Variants in RPH3AL observed in about 807,000 individuals in gnomAD.
The protein encoded by RPH3AL is rab effector Noc2.
RPH3AL carries 38 observed loss-of-function variants against 43.1 expected under a neutral mutation model. The observed-to-expected ratio is 0.88, with a 90% CI of 0.68 to 1.15. The LOEUF (loss-of-function observed/expected upper bound fraction) is 1.15. Ranked by LOEUF, RPH3AL falls within the 50% of genes most tolerant of loss-of-function variation. RPH3AL has a pLI of 0.00. For synonymous variants in RPH3AL, 189 were observed against 176.3 expected (o/e 1.07, Z -0.57); for missense variants, 462 against 423.2 (o/e 1.09, Z -0.81).
At chr17:315,593 G>GCCCCAC (rs2044000375) in intron 5 of RPH3AL, among the ~76,000 whole-genome samples, 27 of 123,358 alleles carry the variant, frequency 2.2e-4, no homozygotes, top group African/African-American at 3.8e-4. Flanking sequence ...TAGTCCCTGT[G>GCCCCAC]CTCCACCTCC....
At chr17:282,266 C>T (rs762587224) in intron 5 of RPH3AL, among the ~76,000 whole-genome samples, 28 of 152,232 alleles carry the variant, frequency 1.8e-4, no homozygotes, top group Non-Finnish European at 2.8e-4. Context: ...AACAAAGAAA[C>T]ATACGTTTGC....
At chr17:326,885 G>A (rs947039407) in intron 3 of RPH3AL, among the ~76,000 whole-genome samples, 1 of 152,176 alleles carries the variant, frequency 6.6e-6, no homozygotes, top group African/African-American at 2.4e-5. Flanking sequence ...GGACCCCCAA[G>A]GGAAGAAACT....
intron 7 of RPH3AL, among the ~76,000 whole-genome samples, chr17:242,795 C>A (rs865807570): frequency 2.9e-5 from 1 of 34,748 alleles, no homozygotes; most frequent in African/African-American, 1.2e-4. Context: ...CCTCTAATGA[C>A]TACCTTCCTC....
At chr17:299,103 C>G (rs559387161) in intron 5 of RPH3AL, among the ~76,000 whole-genome samples, 2 of 152,096 alleles carry the variant, frequency 1.3e-5, no homozygotes, top group Non-Finnish European at 2.9e-5. Context: ...CGGAGCTGCA[C>G]TTGAACAAGC....
rs1004197875 is a variant in RPH3AL at position 225,046 on chromosome 17, C to T, written c.614-5310G>A. ...AGTTAATGGGTGCAGCACACCAACA[C>T]GGCACATGTATACAGATGTAACAAA... On this transcript the variant is annotated intron_variant, in intron 7 of 9. Transcript: ENST00000331302. The surrounding 1 kb of genome is among the most constrained non-coding windows in gnomAD (Gnocchi z 4.4). Among the ~76,000 whole-genome samples the T allele has an allele frequency of 4.6e-5, 7 of 151,026 alleles. No homozygotes were observed. Among genetic ancestry groups the T allele is most frequent in the South Asian group, 2.1e-4 (1 of 4,776 alleles).
In RPH3AL at chr17:322,838, G is replaced by A. The variant is rs958962908; in HGVS notation, c.78-1423C>T. 2.0e-5 allele frequency among the ~76,000 whole-genome samples: 3 copies of A among 152,130 alleles called. No homozygotes were observed. The highest frequency in any genetic ancestry group is 6.5e-5 in the Admixed American group (1 of 15,270). On this transcript the variant is annotated intron_variant, in intron 3 of 9. Transcript: ENST00000331302. The surrounding 1 kb of genome is among the most constrained non-coding windows in gnomAD (Gnocchi z 4.0). The stretch of plus-strand genomic sequence containing the variant: ...TAATACGCATATCCTTTCTCTGTCA[G>A]GGGGAGCTGGGGGCTGATGAATGTG...
rs2044665497 is a variant in RPH3AL, at chr17:328,304, G to A, written c.-36-725C>T. ...AGGACAGGATTGTCTTTGGTGGTCTGAGGATGCCACGCGTGCATTCTGAAG... is the reference window on the plus strand; with the variant it reads ...AGGACAGGATTGTCTTTGGTGGTCTAAGGATGCCACGCGTGCATTCTGAAG... On this transcript the variant is annotated intron_variant, in intron 2 of 9. Transcript: ENST00000331302. This position sits in a 1 kb window ranked among gnomAD's most constrained non-coding sequence, Gnocchi z 4.2. Among the ~76,000 whole-genome samples the A allele has an allele frequency of 6.6e-6, 1 of 151,630 alleles. No homozygotes were observed. The highest frequency in any genetic ancestry group is 2.1e-4 in the South Asian group (1 of 4,780).
intron 6 of RPH3AL, among the ~76,000 whole-genome samples, chr17:280,787 G>C (rs1350837692): frequency 6.6e-6 from 1 of 152,158 alleles, no homozygotes; most frequent in Non-Finnish European, 1.5e-5. Context: ...GGAGCTGTGG[G>C]GGATGGTTGA....
At chr17:253,216 C>T (rs1011409689) in intron 6 of RPH3AL, among the ~76,000 whole-genome samples, 1 of 152,134 alleles carries the variant, frequency 6.6e-6, no homozygotes, top group Non-Finnish European at 1.5e-5. Flanking sequence ...CTAGGACAGG[C>T]CTTGGGGGCT....
Position 321,750 on chromosome 17 carries a change from G to A in RPH3AL, c.78-335C>T, listed in dbSNP as rs146148169. Reference sequence around the variant, plus strand: ...GTGCCGTGTGCAGGGGGCAAGGCACGCGGGCAACAGAGACGGGGCAGACAC... The same window carrying A: ...GTGCCGTGTGCAGGGGGCAAGGCACACGGGCAACAGAGACGGGGCAGACAC... On this transcript the variant is annotated intron_variant, in intron 3 of 9. Coordinates refer to ENST00000331302, the MANE Select transcript of RPH3AL (RefSeq NM_006987.4). The A allele has an allele frequency of 7.4e-3, 2,105 of 283,322 alleles. 50 individuals are homozygous for A. Among genetic ancestry groups the A allele is most frequent in the East Asian group, 0.053 (845 of 16,006 alleles). 17.6% of individuals were successfully genotyped at this position (283,322 alleles called of 1,614,324 possible). A position where few individuals can be genotyped will look rare whatever the true frequency, so the allele number is the denominator to read the frequency against.
At chr17:331,234 A>G (rs2151714824) in intron 2 of RPH3AL, 2 of 35,102 alleles carry the variant, frequency 5.7e-5, no homozygotes, top group South Asian at 3.5e-4. Flanking sequence ...TCACTGCTGT[A>G]GCTTCAGGGC....
At chr17:280,085 T>C (rs2042743047) in intron 6 of RPH3AL, among the ~76,000 whole-genome samples, 2 of 152,052 alleles carry the variant, frequency 1.3e-5, no homozygotes, top group Admixed American at 6.5e-5. Context: ...AGCAAGGAAA[T>C]GTGCGCAAAA....
intron 3 of RPH3AL, 133 bp from the exon 4 acceptor site, chr17:321,548 C>A: frequency 9.8e-7 from 1 of 1,023,556 alleles, no homozygotes; most frequent in South Asian, 2.2e-5. Context: ...ACGACGAGCG[C>A]GGGCAGCAGA....
rs150991010 is a variant in RPH3AL at position 299,141 on chromosome 17, G to A, written c.352-17287C>T. 3.0e-3 allele frequency among the ~76,000 whole-genome samples: 453 copies of A among 152,268 alleles called. 3 individuals carry two copies. Among genetic ancestry groups the A allele is most frequent in the Admixed American group, 7.6e-3 (116 of 15,306 alleles). ...AGGAGTAGAGGATGCACTGGAAAGCGAATGAGACTCGTCCACAGTCTGGAA... is the reference window on the plus strand; with the variant it reads ...AGGAGTAGAGGATGCACTGGAAAGCAAATGAGACTCGTCCACAGTCTGGAA... On this transcript the variant is annotated intron_variant, in intron 5 of 9. Transcript: ENST00000331302.
rs981042661 is a variant in RPH3AL, at chr17:274,410, C to T, written c.438+7358G>A. On this transcript the variant is annotated intron_variant, in intron 6 of 9. Transcript: ENST00000331302. This position sits in a 1 kb window ranked among gnomAD's most constrained non-coding sequence, Gnocchi z 4.7. Reference sequence around the variant, plus strand: ...GGGCAGCCTTCCTGGCACTTCAGGGCTGCCAGTTCCTGGGGCCACAGGGGC... The same window carrying T: ...GGGCAGCCTTCCTGGCACTTCAGGGTTGCCAGTTCCTGGGGCCACAGGGGC... Among the ~76,000 whole-genome samples the T allele has an allele frequency of 2.8e-4, 43 of 152,368 alleles. No homozygotes were observed. The highest frequency in any genetic ancestry group is 9.6e-4 in the African/African-American group (40 of 41,594).
chr17:217,010 T>C (rs2040819629), intron 8 of RPH3AL, among the ~76,000 whole-genome samples: 1 of 151,424 alleles, frequency 6.6e-6, no homozygotes, highest in Non-Finnish European at 1.5e-5. Context: ...GCCCTTCTTC[T>C]GCCCTAAAAT....
intron 6 of RPH3AL, among the ~76,000 whole-genome samples, chr17:260,720 T>C (rs2042177312): frequency 6.6e-6 from 1 of 152,152 alleles, no homozygotes; most frequent in African/African-American, 2.4e-5. Context: ...CTCACAATGC[T>C]GGTCTCCCAG....
chr17:263,874 C>G (rs2042257175), intron 6 of RPH3AL, among the ~76,000 whole-genome samples: 1 of 152,192 alleles, frequency 6.6e-6, no homozygotes, highest in Non-Finnish European at 1.5e-5. Context: ...CCCACCTAAC[C>G]GCCCGGAGTC....
At chr17:221,826 A>G (rs75219840) in intron 7 of RPH3AL, among the ~76,000 whole-genome samples, 6 of 111,296 alleles carry the variant, frequency 5.4e-5, no homozygotes, top group Admixed American at 8.8e-5. Context: ...GGCTCCACTC[A>G]CTGAGACAAC....
Sources: gnomAD v4.1 joint callset for allele counts (sites outside exome capture counted in the v4.1 genomes callset) on GRCh38, gnomAD v4.1.1 for gene constraint, Gnocchi (gnomAD v3.1) non-coding constraint, MANE v1.5 for transcripts, NCBI Gene and HGNC (gene_info 2026-07-23, HGNC 2026-07-21) for gene names.